The following SLC35F4 variants were observed in gnomAD, a reference collection of about 807,000 sequenced individuals.
SLC35F4 encodes the protein chromosome 14 open reading frame 36.
SLC35F4 carries 24 observed loss-of-function variants against 44.2 expected under a neutral mutation model. The ratio of observed to expected loss-of-function variants is 0.54; its 90% CI spans 0.39 to 0.76. The LOEUF is 0.76. Among genes scored for constraint, SLC35F4 ranks in the 30% least tolerant of loss-of-function variants. The pLI is 0.00. For synonymous variants in SLC35F4, 238 were observed against 223.6 expected (o/e 1.06, Z -0.57); for missense variants, 562 against 586.1 (o/e 0.96, Z 0.42).
intron 1 of SLC35F4, among the ~76,000 whole-genome samples, chr14:57,842,807 G>T (rs763115311): frequency 6.6e-6 from 1 of 152,178 alleles, no homozygotes; most frequent in African/African-American, 2.4e-5. Context: ...GTCTGTGAGG[G>T]TGTTGCCAAA....
intron 1 of SLC35F4, among the ~76,000 whole-genome samples, chr14:57,679,480 C>A (rs1594779708): frequency 1.3e-5 from 2 of 151,978 alleles, no homozygotes; most frequent in African/African-American, 4.8e-5. Flanking sequence ...GAAGCAGGAG[C>A]AAACAAATTT....
At chr14:57,775,696 G>C (rs1157969286) in intron 1 of SLC35F4, among the ~76,000 whole-genome samples, 3 of 152,210 alleles carry the variant, frequency 2.0e-5, no homozygotes. Context: ...TCACAAAGAT[G>C]AGAAAGAACC....
At chr14:57,978,449 C>T (rs534101967) in intron 1 of SLC35F4, among the ~76,000 whole-genome samples, 10 of 152,186 alleles carry the variant, frequency 6.6e-5, no homozygotes, top group Non-Finnish European at 1.3e-4. Flanking sequence ...CACAATATTG[C>T]TTCAGACCAA....
At chr14:57,767,307 C>T (rs931331646) in intron 1 of SLC35F4, among the ~76,000 whole-genome samples, 2 of 152,088 alleles carry the variant, frequency 1.3e-5, no homozygotes, top group Non-Finnish European at 2.9e-5. Context: ...GTTACATGGT[C>T]CTATATTCTG....
chr14:57,806,160 A>C (rs1011286165), intron 1 of SLC35F4, among the ~76,000 whole-genome samples: 7 of 152,254 alleles, frequency 4.6e-5, no homozygotes, highest in Admixed American at 2.6e-4. Context: ...CATCCTTACC[A>C]AAAAAGGTGA....
chr14:57,670,297 A>T (rs8014829), intron 1 of SLC35F4, among the ~76,000 whole-genome samples: 95,531 of 151,764 alleles, frequency 0.63, 30,422 homozygotes, highest in South Asian at 0.71. Context: ...GATTCATTGA[A>T]TTTTTTGAAG....
rs116723314 is a variant in SLC35F4 at position 57,632,679 on chromosome 14, G to C, written c.104-38555C>G. Among the ~76,000 whole-genome samples the C allele has an allele frequency of 6.6e-3, 1,006 of 151,878 alleles. 13 individuals carry two copies. The highest frequency in any genetic ancestry group is 0.022 in the African/African-American group (930 of 41,432). On this transcript the variant is annotated intron_variant, in intron 1 of 7. Coordinates refer to ENST00000556826, the MANE Select transcript of SLC35F4 (RefSeq NM_001306087.2). ...ACCCAAAGTCCATAGTTTACATTAGGGTTCACTCTTGGTGTCATACCTTCT... is the reference window on the plus strand; with the variant it reads ...ACCCAAAGTCCATAGTTTACATTAGCGTTCACTCTTGGTGTCATACCTTCT...
chr14:57,868,728 T>C (rs1019683145), upstream of SLC35F4, among the ~76,000 whole-genome samples: 1 of 152,160 alleles, frequency 6.6e-6, no homozygotes, highest in Non-Finnish European at 1.5e-5. Flanking sequence ...TTCACCAAAG[T>C]GCTGGGACTA....
intron 1 of SLC35F4, among the ~76,000 whole-genome samples, chr14:57,626,213 G>A (rs1037064622): frequency 2.8e-5 from 4 of 144,742 alleles, no homozygotes; most frequent in African/African-American, 5.1e-5. Flanking sequence ...AGAGAAATAC[G>A]TAATGTAAAT....
chr14:57,566,019 A>G (rs1287827471), intron 7 of SLC35F4, among the ~76,000 whole-genome samples: 2 of 152,216 alleles, frequency 1.3e-5, no homozygotes, highest in African/African-American at 2.4e-5. Context: ...CTTTTTCCTT[A>G]TATCTATTCC....
chr14:57,676,775 T>C (rs1043107288), intron 1 of SLC35F4, among the ~76,000 whole-genome samples: 1 of 152,034 alleles, frequency 6.6e-6, no homozygotes. Flanking sequence ...GCTGTTGGCA[T>C]GGATGTGGTG....
At chr14:57,960,257 C>T (rs1234510393) in intron 1 of SLC35F4, among the ~76,000 whole-genome samples, 1 of 150,374 alleles carries the variant, frequency 6.7e-6, no homozygotes, top group Non-Finnish European at 1.5e-5. Flanking sequence ...CCACAGATGC[C>T]CTTGGTGCCT....
intron 1 of SLC35F4, among the ~76,000 whole-genome samples, chr14:57,722,546 C>T (rs2104060): frequency 6.6e-6 from 1 of 152,030 alleles, no homozygotes; most frequent in Non-Finnish European, 1.5e-5. Flanking sequence ...TGCAGTCACT[C>T]AACTACAAAA....
chr14:57,631,411 A>G (rs1231977141), intron 1 of SLC35F4, among the ~76,000 whole-genome samples: 1 of 152,118 alleles, frequency 6.6e-6, no homozygotes, highest in Non-Finnish European at 1.5e-5. Flanking sequence ...GTTATTATAA[A>G]GTTTAAGGGG....
At chr14:57,785,529 C>G (rs1473723254) in intron 1 of SLC35F4, among the ~76,000 whole-genome samples, 1 of 152,116 alleles carries the variant, frequency 6.6e-6, no homozygotes, top group African/African-American at 2.4e-5. Flanking sequence ...CCGAGAGGAC[C>G]CACAGACCCT....
At chr14:57,717,614 C>T (rs1030274791) in intron 1 of SLC35F4, among the ~76,000 whole-genome samples, 10 of 152,120 alleles carry the variant, frequency 6.6e-5, no homozygotes, top group African/African-American at 1.9e-4. Flanking sequence ...CCAGCCTGGG[C>T]GACAGAGCGA....
chr14:57,710,950 C>T (rs2075803347), intron 1 of SLC35F4, among the ~76,000 whole-genome samples: 1 of 151,996 alleles, frequency 6.6e-6, no homozygotes, highest in South Asian at 2.1e-4. Flanking sequence ...TGAGTTAAGA[C>T]TTCGGGGGAC....
intron 1 of SLC35F4, among the ~76,000 whole-genome samples, chr14:57,922,884 G>A (rs1485476538): frequency 1.3e-5 from 2 of 152,192 alleles, no homozygotes; most frequent in African/African-American, 4.8e-5. Flanking sequence ...AAAAATCCAG[G>A]GAGATGAACT....
intron 1 of SLC35F4, among the ~76,000 whole-genome samples, chr14:57,679,452 A>G (rs893164331): frequency 2.0e-5 from 3 of 152,112 alleles, no homozygotes; most frequent in Non-Finnish European, 2.9e-5. Context: ...CCCTAATACC[A>G]CAATTAAAAG....
Sources: allele counts gnomAD v4.1 joint callset (sites outside exome capture counted in the v4.1 genomes callset), GRCh38; gene constraint gnomAD v4.1.1; transcripts MANE v1.5; gene names NCBI Gene and HGNC (gene_info 2026-07-23, HGNC 2026-07-21).